Variants in BOP1 observed in about 807,000 individuals in gnomAD.
The protein encoded by BOP1 is BOP1 ribosomal biogenesis factor.
In BOP1, 54 loss-of-function variants were observed where a neutral mutation model predicts 82.9. The ratio of observed to expected loss-of-function variants is 0.65; its 90% CI spans 0.52 to 0.82. The LOEUF (loss-of-function observed/expected upper bound fraction) is 0.82. Ranked by LOEUF, BOP1 falls within the 40% of genes least tolerant of loss-of-function variation. The probability of loss-of-function intolerance (pLI) is 0.00; values close to 1 mark genes in which losing one functional copy is unlikely to be tolerated. For synonymous variants in BOP1, 566 were observed against 451.1 expected, an observed-to-expected ratio of 1.25 and a Z score of -3.23; for missense variants, 1,170 against 1,072.0, an observed-to-expected ratio of 1.09 and a Z score of -1.28.
chr8:144,291,347 C>A lies in BOP1; in HGVS notation c.24G>T (p.Gly8=). The part of the protein sequence containing the change: MAGSRGA[G]RTAAPSVRPE... ...GCCGCACGCTCGGCGCCGCCGTGCG[C>A]CCCGCACCCCGCGAACCCGCCATGC... The change falls in exon 1 of 16, where the codon GGG becomes GGT. Residue 8 remains glycine (G), a synonymous_variant. Transcript: ENST00000569669. The surrounding 1 kb of genome is among the most constrained non-coding windows in gnomAD (Gnocchi z 4.1). The A allele has an allele frequency of 2.9e-6, 4 of 1,378,102 alleles. No homozygotes were observed. Among genetic ancestry groups the A allele is most frequent in the Non-Finnish European group, 3.8e-6 (4 of 1,060,518 alleles). The allele number at this position is 1,378,102 out of a possible 1,614,324, so 85.4% of individuals were successfully genotyped here. A position where few individuals can be genotyped will look rare whatever the true frequency, so the allele number is the denominator to read the frequency against.
At position 144,273,983 on chromosome 8, in the gene BOP1, T is replaced by TCCCTGAAGCGGTGAGAGG. The variant is rs1484285816; in HGVS notation, c.390+2240_390+2241insCCTCTCACCGCTTCAGGG. On this transcript the variant is annotated intron_variant, in intron 3 of 15. Transcript: ENST00000569669. ...TCAAAAGTCAGCGTCCAGCAGGGGG[T>TCCCTGAAGCGGTGAGAGG]CCCTGAAGCCCCAGTGTCATCCAGG... is the stretch of plus-strand genomic sequence containing the variant. Among the ~76,000 whole-genome samples the TCCCTGAAGCGGTGAGAGG allele has an allele frequency of 2.4e-3, 369 of 151,748 alleles. 1 individual carries two copies. The highest frequency in any genetic ancestry group is 8.3e-3 in the African/African-American group (342 of 41,340).
In BOP1 at chr8:144,264,051, C is replaced by T; in HGVS notation, c.1070G>A (p.Gly357Glu). Residue 357 changes from glycine to glutamate, a missense_variant, in exon 8 of 16, where the codon GGA (glycine) becomes GAA (glutamate). Transcript: ENST00000569669. Reference sequence around the variant, plus strand: ...CTCGAAGCGTTCCTGGATGAAGCGTCCGTAGGCAGGCACGGCCCGCAGGCT... The same window carrying T: ...CTCGAAGCGTTCCTGGATGAAGCGTTCGTAGGCAGGCACGGCCCGCAGGCT... ...FPSLRAVPAY[G>E]RFIQERFERC... 6.2e-7 allele frequency: 1 copy of T among 1,610,070 alleles called. No individual in the cohort carries two copies. The highest frequency in any genetic ancestry group is 1.1e-5 in the South Asian group (1 of 91,056).
chr8:144,262,888 C>G lies in BOP1; in HGVS notation c.1859G>C (p.Cys620Ser). The change falls in exon 13 of 16, where the codon TGC becomes TCC. Residue 620 changes from cysteine to serine, a missense_variant. Transcript: ENST00000569669. Reference protein sequence around the residue: ...QELTKKLMPNCKWVSSLAVHP... With the variant: ...QELTKKLMPNSKWVSSLAVHP... ...CACCGCCAGGCTGGACACCCACTTG[C>G]AGTTGGGCATCAGCTTCTTGGTGAG... 6.5e-7 allele frequency: 1 copy of G among 1,546,782 alleles called. No homozygotes were observed. The highest frequency in any genetic ancestry group is 8.7e-7 in the Non-Finnish European group (1 of 1,153,448).
chr8:144,278,222 C>T (rs879958003), intron 2 of BOP1, among the ~76,000 whole-genome samples: 10 of 118,958 alleles, frequency 8.4e-5, no homozygotes, highest in Admixed American at 8.3e-4. Context: ...AGGGAGCCGC[C>T]GAGGGGGAGC....
intron 3 of BOP1, chr8:144,265,408 C>T (rs1845336861): frequency 4.5e-6 from 2 of 443,482 alleles, no homozygotes; most frequent in Admixed American, 7.9e-5. Context: ...CCCACGGGCT[C>T]CCTCCCCTGG....
chr8:144,291,201 G>T lies in BOP1; in HGVS notation c.99+71C>A. The T allele has an allele frequency of 7.8e-7, 1 of 1,288,040 alleles. No individual in the cohort carries two copies. Among genetic ancestry groups the T allele is most frequent in the Non-Finnish European group, 9.9e-7 (1 of 1,010,154 alleles). The allele number at this position is 1,288,040 out of a possible 1,614,324, so 79.8% of individuals were successfully genotyped here. On this transcript the variant is annotated intron_variant, in intron 1 of 15. Transcript: ENST00000569669. The surrounding 1 kb of genome is among the most constrained non-coding windows in gnomAD (Gnocchi z 4.1). ...CAGGTGACAGAAGCCGGGCCCACCC[G>T]CCCCAGCGCGGCCACGTGCCCGCCG...
intron 2 of BOP1, among the ~76,000 whole-genome samples, chr8:144,277,114 G>T (rs2130241291): frequency 6.6e-6 from 1 of 152,342 alleles, no homozygotes; most frequent in East Asian, 1.9e-4. Context: ...CGTGGGGGCA[G>T]TAAAGTGCTC....
Position 144,282,123 on chromosome 8 carries a change from G to A in BOP1, c.310-5819C>T, listed in dbSNP as rs115441332. ...CCAGTCCTCGCTCCGGTGAGCCCGC[G>A]GCCCGCGCTGCCGTGTGCTGCTGGA... is the stretch of plus-strand genomic sequence containing the variant. On this transcript the variant is annotated intron_variant, in intron 2 of 15. Transcript: ENST00000569669. 2.0e-3 allele frequency among the ~76,000 whole-genome samples: 307 copies of A among 152,326 alleles called. 1 individual carries two copies. The highest frequency in any genetic ancestry group is 6.6e-3 in the African/African-American group (276 of 41,560).
intron 3 of BOP1, among the ~76,000 whole-genome samples, chr8:144,274,536 C>T (rs1194079021): frequency 6.6e-6 from 1 of 152,246 alleles, no homozygotes; most frequent in Non-Finnish European, 1.5e-5. Flanking sequence ...TCTGTCCGGG[C>T]CTGGCCTGGC....
chr8:144,267,150 C>T, intron 3 of BOP1: 2 of 1,532,052 alleles, frequency 1.3e-6, no homozygotes, highest in Non-Finnish European at 1.7e-6. Context: ...AACAGATCTG[C>T]ACCTTCTGCC....
At chr8:144,283,855 C>T (rs1011976386) in intron 2 of BOP1, among the ~76,000 whole-genome samples, 3 of 152,170 alleles carry the variant, frequency 2.0e-5, no homozygotes, top group Admixed American at 6.5e-5. Flanking sequence ...CGGCGGCTCA[C>T]GCCTGTCATC....
chr8:144,263,452 C>T, intron 11 of BOP1, 26 bp downstream of exon 11: 1 of 1,597,862 alleles, frequency 6.3e-7, no homozygotes, highest in Non-Finnish European at 8.5e-7. Context: ...ACCCCTGGCT[C>T]CCCAGCCCCC....
intron 3 of BOP1, among the ~76,000 whole-genome samples, chr8:144,270,688 C>G (rs1845478398): frequency 6.6e-6 from 1 of 152,156 alleles, no homozygotes; most frequent in Non-Finnish European, 1.5e-5. Flanking sequence ...GGCAGCCCAC[C>G]CGAATCCACT....
rs1845674079 is a variant in BOP1, at chr8:144,281,327, CAGTTTAAT to C, written c.310-5031_310-5024del. Reference sequence around the variant, plus strand: ...TCATACCAGGTCTTTGGCCTTCTCTCAGTTTAATACCAGGTCTTCGGCCTTCCCTCAGT... The same window carrying C: ...TCATACCAGGTCTTTGGCCTTCTCTCACCAGGTCTTCGGCCTTCCCTCAGT... On this transcript the variant is annotated intron_variant, in intron 2 of 15. Coordinates refer to ENST00000569669, the MANE Select transcript of BOP1 (RefSeq NM_015201.5). Among the ~76,000 whole-genome samples, 7 of 11,910 alleles carry C rather than the reference CAGTTTAAT, an allele frequency of 5.9e-4. 3 individuals are homozygous for C. The highest frequency in any genetic ancestry group is 2.3e-3 in the Admixed American group (2 of 864). 7.8% of individuals were successfully genotyped at this position (11,910 alleles called of 152,430 possible). A position where few individuals can be genotyped will look rare whatever the true frequency, so the allele number is the denominator to read the frequency against.
intron 3 of BOP1, chr8:144,268,470 G>C (rs1845433121): frequency 2.1e-6 from 1 of 485,470 alleles, no homozygotes; most frequent in Non-Finnish European, 3.7e-6. Context: ...AAACAAAACA[G>C]TATCTTCCAA....
chr8:144,284,221 C>T (rs1194690810), intron 2 of BOP1, among the ~76,000 whole-genome samples: 3 of 152,140 alleles, frequency 2.0e-5, no homozygotes, highest in African/African-American at 7.2e-5. Flanking sequence ...TCCCTTGAGC[C>T]CAGGAAGTTG....
rs1815073977 is a variant in BOP1 at position 144,291,429 on chromosome 8, T to C, written c.-59A>G. 9 of 1,038,014 alleles carry C rather than the reference T, an allele frequency of 8.7e-6. No individual in the cohort carries two copies. The highest frequency in any genetic ancestry group is 1.1e-5 in the Non-Finnish European group (9 of 850,534). 64.3% of individuals were successfully genotyped at this position (1,038,014 alleles called of 1,614,324 possible). A position where few individuals can be genotyped will look rare whatever the true frequency, so the allele number is the denominator to read the frequency against. ...CGCTTCCGACAGCGACCGGGCCGCGTGCGCAGGAGGACGCGCCCCGCCCAG... is the reference window on the plus strand; with the variant it reads ...CGCTTCCGACAGCGACCGGGCCGCGCGCGCAGGAGGACGCGCCCCGCCCAG... On this transcript the variant is annotated 5_prime_UTR_variant, in exon 1 of 16. Coordinates refer to ENST00000569669, the MANE Select transcript of BOP1 (RefSeq NM_015201.5). This position sits in a 1 kb window ranked among gnomAD's most constrained non-coding sequence, Gnocchi z 4.1.
intron 3 of BOP1, among the ~76,000 whole-genome samples, chr8:144,271,520 T>C (rs1250834453): frequency 7.9e-5 from 12 of 152,196 alleles, no homozygotes; most frequent in African/African-American, 2.6e-4. Flanking sequence ...AACGCCCGCC[T>C]GTCTCGGAGC....
chr8:144,281,116 T>TCACTTTAATAC lies in BOP1; in HGVS notation c.310-4813_310-4812insGTATTAAAGTG, dbSNP rs1845670338. ...TTAATACCAGGTCTTCGGCCTTCTC[T>TCACTTTAATAC]CAGTTTAATACCAGGTCTTAGGCCT... On this transcript the variant is annotated intron_variant, in intron 2 of 15. Transcript: ENST00000569669. Among the ~76,000 whole-genome samples the TCACTTTAATAC allele has an allele frequency of 1.0e-4, 15 of 145,706 alleles. 1 individual carries two copies. The highest frequency in any genetic ancestry group is 3.3e-4 in the African/African-American group (13 of 39,948).
Sources: allele counts gnomAD v4.1 joint callset (sites outside exome capture counted in the v4.1 genomes callset), GRCh38; gene constraint gnomAD v4.1.1; non-coding constraint Gnocchi (gnomAD v3.1); transcripts MANE v1.5; gene names NCBI Gene and HGNC (gene_info 2026-07-23, HGNC 2026-07-21).